The following PPP4R4 variants were observed in gnomAD, a reference collection of about 807,000 sequenced individuals.
PPP4R4 encodes serine/threonine-protein phosphatase 4 regulatory subunit 4.
A neutral mutation model predicts 121.8 loss-of-function variants in PPP4R4; 70 were observed. That is an observed-to-expected ratio of 0.57 (90% CI 0.47 to 0.70). The LOEUF (loss-of-function observed/expected upper bound fraction) is 0.70, where lower values mean the gene tolerates loss of function less well. PPP4R4 is among the 30% of genes least tolerant of loss of function. PPP4R4 has a pLI of 0.00. For missense variants in PPP4R4, 875 were observed against 1,033.6 expected (o/e 0.85, Z 2.10); for synonymous variants, 348 against 355.7 (o/e 0.98, Z 0.24).
intron 2 of PPP4R4, among the ~76,000 whole-genome samples, chr14:94,192,159 T>C (rs1486640199): frequency 6.6e-6 from 1 of 152,172 alleles, no homozygotes; most frequent in African/African-American, 2.4e-5. Flanking sequence ...TTCTCTATGG[T>C]CTTAAGCATG....
chr14:94,251,842 A>C lies in PPP4R4; in HGVS notation c.1811A>C (p.Lys604Thr), dbSNP rs139772979. ...IEIFSKSFFC[K>T]YFFLPAIELT... ...ATATTTTCAAAATCATTTTTCTGTA[A>C]ATATTTCTTTCTACCTGCTATTGAA... The change falls in exon 16 of 25, where the codon AAA becomes ACA. Residue 604 changes from lysine (K) to threonine (T), a missense_variant. Lys to Thr is a moderately conservative substitution (Grantham distance 78). Coordinates refer to ENST00000304338, the MANE Select transcript of PPP4R4 (RefSeq NM_058237.2). 1.3e-6 allele frequency: 2 copies of C among 1,598,522 alleles called. No individual in the cohort carries two copies. Among genetic ancestry groups the C allele is most frequent in the African/African-American group, 2.7e-5 (2 of 74,278 alleles).
chr14:94,197,505 A>G (rs1275060916), intron 2 of PPP4R4, among the ~76,000 whole-genome samples: 1 of 152,208 alleles, frequency 6.6e-6, no homozygotes, highest in Admixed American at 6.5e-5. Context: ...TGCCATCTTC[A>G]TAGGGGTACT....
chr14:94,232,619 T>C (rs1026285180), intron 5 of PPP4R4, among the ~76,000 whole-genome samples: 5 of 152,238 alleles, frequency 3.3e-5, no homozygotes, highest in Non-Finnish European at 7.3e-5. Flanking sequence ...TTCTAAATTA[T>C]CAATGCATAT....
intron 3 of PPP4R4, among the ~76,000 whole-genome samples, chr14:94,226,526 C>T (rs961789989): frequency 3.3e-5 from 5 of 152,048 alleles, no homozygotes; most frequent in Admixed American, 6.6e-5. Flanking sequence ...GAGGTATAAT[C>T]ATTAAAGGTA....
intron 2 of PPP4R4, among the ~76,000 whole-genome samples, chr14:94,195,949 A>G (rs1889847620): frequency 6.6e-6 from 1 of 152,078 alleles, no homozygotes; most frequent in African/African-American, 2.4e-5. Context: ...AGTGAGCAAT[A>G]TCACCCTATA....
intron 3 of PPP4R4, among the ~76,000 whole-genome samples, chr14:94,213,633 C>T (rs918045834): frequency 7.2e-5 from 11 of 152,174 alleles, no homozygotes; most frequent in African/African-American, 2.4e-4. Flanking sequence ...CGAGAGTTGA[C>T]GTATACATGT....
chr14:94,183,005 G>A (rs997004311), intron 2 of PPP4R4, among the ~76,000 whole-genome samples: 13 of 151,668 alleles, frequency 8.6e-5, no homozygotes, highest in South Asian at 6.2e-4. Flanking sequence ...TAGATGTTTC[G>A]TTTCTCTGTG....
intron 2 of PPP4R4, among the ~76,000 whole-genome samples, chr14:94,195,697 A>G (rs773762206): frequency 1.3e-5 from 2 of 152,174 alleles, no homozygotes; most frequent in African/African-American, 4.8e-5. Context: ...TCCCTAGACC[A>G]TGAGTAGAGG....
At chr14:94,265,518 T>C in intron 21 of PPP4R4, 45 bp downstream of exon 21, 1 of 1,496,040 alleles carries the variant, frequency 6.7e-7, no homozygotes, top group Non-Finnish European at 9.3e-7. Flanking sequence ...TTTTTCTTCC[T>C]TGTATACAAA....
At chr14:94,203,637 T>G (rs1000991181) in intron 2 of PPP4R4, among the ~76,000 whole-genome samples, 2 of 152,200 alleles carry the variant, frequency 1.3e-5, no homozygotes, top group African/African-American at 4.8e-5. Context: ...ACTTCCAAAG[T>G]GTTTTCCAGA....
intron 16 of PPP4R4, among the ~76,000 whole-genome samples, chr14:94,254,893 C>T (rs1402118441): frequency 6.6e-6 from 1 of 152,114 alleles, no homozygotes; most frequent in East Asian, 1.9e-4. Context: ...TTCTTCCTTT[C>T]CAACCCAGTC....
At chr14:94,180,644 T>G (rs1421201667) in intron 2 of PPP4R4, among the ~76,000 whole-genome samples, 2 of 148,908 alleles carry the variant, frequency 1.3e-5, no homozygotes, top group African/African-American at 5.0e-5. Flanking sequence ...AGGGTCTCAC[T>G]GTGTTTCCCA....
chr14:94,237,921 A>G (rs1005692261), intron 8 of PPP4R4, among the ~76,000 whole-genome samples: 15 of 152,174 alleles, frequency 9.9e-5, no homozygotes, highest in African/African-American at 3.6e-4. Context: ...TAATTTATAA[A>G]GGAATTTATT....
At chr14:94,190,216 A>T (rs1460853041) in intron 2 of PPP4R4, among the ~76,000 whole-genome samples, 2 of 152,000 alleles carry the variant, frequency 1.3e-5, no homozygotes, top group African/African-American at 2.4e-5. Flanking sequence ...GTCGGCTACT[A>T]TTCTGTTTTC....
At chr14:94,214,952 A>T (rs1890944925) in intron 3 of PPP4R4, among the ~76,000 whole-genome samples, 1 of 152,262 alleles carries the variant, frequency 6.6e-6, no homozygotes, top group African/African-American at 2.4e-5. Context: ...GCCTATGTGT[A>T]TAAAATGTAT....
In PPP4R4 at chr14:94,234,682, T is replaced by C. The variant is rs769311514; in HGVS notation, c.731+13T>C. ...CCCAGGGCATTGGGTAGGTATACTT[T>C]GAATTCCTTATGCCATTTCCATGAA... On this transcript the variant is annotated intron_variant, in intron 7 of 24. Coordinates refer to ENST00000304338, the MANE Select transcript of PPP4R4 (RefSeq NM_058237.2). The C allele has an allele frequency of 2.6e-6, 4 of 1,512,690 alleles. No individual in the cohort carries two copies. In the South Asian group the frequency reaches 4.5e-5, roughly 17 times the overall value. The allele number at this position is 1,512,690 out of a possible 1,614,324, so 93.7% of individuals were successfully genotyped here. A position where few individuals can be genotyped will look rare whatever the true frequency, so the allele number is the denominator to read the frequency against.
chr14:94,192,378 G>A (rs774781602), intron 2 of PPP4R4, among the ~76,000 whole-genome samples: 1 of 151,924 alleles, frequency 6.6e-6, no homozygotes, highest in Non-Finnish European at 1.5e-5. Context: ...CTTACAAGAA[G>A]GTTTTGTCTT....
chr14:94,215,728 G>A (rs1379329204), intron 3 of PPP4R4, among the ~76,000 whole-genome samples: 1 of 152,136 alleles, frequency 6.6e-6, no homozygotes, highest in Non-Finnish European at 1.5e-5. Flanking sequence ...TGAACAGATT[G>A]ATACAAACTG....
intron 2 of PPP4R4, among the ~76,000 whole-genome samples, chr14:94,198,790 C>T (rs1422188971): frequency 1.3e-5 from 2 of 152,204 alleles, no homozygotes; most frequent in Non-Finnish European, 2.9e-5. Flanking sequence ...ATCATCTCCT[C>T]ATTGAGTTGT....
Sources: gnomAD v4.1 joint callset for allele counts (sites outside exome capture counted in the v4.1 genomes callset) on GRCh38, gnomAD v4.1.1 for gene constraint, MANE v1.5 for transcripts, NCBI Gene and HGNC (gene_info 2026-07-23, HGNC 2026-07-21) for gene names.